Variants in SLC15A2 observed in about 807,000 individuals in gnomAD.
SLC15A2 encodes kidney H(+)/peptide cotransporter.
A neutral mutation model predicts 95.5 loss-of-function variants in SLC15A2; 77 were observed. The observed-to-expected ratio is 0.81, with a 90% confidence interval of 0.67 to 0.97. The LOEUF is 0.97. SLC15A2 is among the 50% of genes least tolerant of loss of function. The probability of loss-of-function intolerance (pLI) is 0.00; values close to 1 mark genes in which losing one functional copy is unlikely to be tolerated. For missense variants in SLC15A2, 893 were observed against 874.4 expected (o/e 1.02, Z -0.27); for synonymous variants, 306 against 306.9 (o/e 1.00, Z 0.03).
intron 3 of SLC15A2, among the ~76,000 whole-genome samples, chr3:121,897,927 C>T (rs547572060): frequency 7.2e-5 from 11 of 152,094 alleles, no homozygotes; most frequent in South Asian, 4.2e-4. Flanking sequence ...TTTGGGAGGC[C>T]GAGGCGGGCA....
chr3:121,897,560 A>G (rs763290696), intron 3 of SLC15A2, 31 bp downstream of exon 3: 1 of 1,612,004 alleles, frequency 6.2e-7, no homozygotes, highest in Admixed American at 1.7e-5. Context: ...CATCCCTACA[A>G]GTTTCACAGG....
At chr3:121,915,382 G>C in intron 6 of SLC15A2, 65 bp downstream of exon 6, 1 of 1,077,856 alleles carries the variant, frequency 9.3e-7, no homozygotes, top group Non-Finnish European at 1.4e-6. Flanking sequence ...GCTGTTCAAG[G>C]CTTTCTCCTG....
At chr3:121,922,705 A>T (rs1366954471) in intron 8 of SLC15A2, 70 bp from the exon 9 acceptor site, 3 of 1,071,832 alleles carry the variant, frequency 2.8e-6, no homozygotes, top group Non-Finnish European at 4.2e-6. Flanking sequence ...GAAGGAAGGT[A>T]TAATAAGTTG....
rs139931241 is a variant in SLC15A2 at position 121,929,115 on chromosome 3, G to A, written c.1475G>A (p.Arg492His). Reference protein sequence around the residue: ...QEKNWYSLVIREDGNSISSMM... With the variant: ...QEKNWYSLVIHEDGNSISSMM... ...AAGAACTGGTACAGTCTTGTCATTCGTGAAGATGGGAACAGTATCTCCAGC... is the reference window on the plus strand; with the variant it reads ...AAGAACTGGTACAGTCTTGTCATTCATGAAGATGGGAACAGTATCTCCAGC... Residue 492 changes from arginine (R) to histidine (H), a missense_variant, in exon 16 of 22, where the codon CGT becomes CAT. By Grantham distance (29) the Arg-to-His change is conservative. Transcript: ENST00000489711. 1.5e-4 allele frequency: 243 copies of A among 1,613,740 alleles called. No individual in the cohort carries two copies. Among genetic ancestry groups the A allele is most frequent in the South Asian group, 4.5e-4 (41 of 90,990 alleles).
At chr3:121,900,151 T>C (rs979008172) in intron 3 of SLC15A2, among the ~76,000 whole-genome samples, 26 of 152,232 alleles carry the variant, frequency 1.7e-4, no homozygotes, top group Non-Finnish European at 3.5e-4. Context: ...ATTAGCTATA[T>C]GCAGATGGCT....
At chr3:121,930,803 T>C (rs1349705146) in intron 17 of SLC15A2, 37 bp from the exon 18 acceptor site, 2 of 1,357,742 alleles carry the variant, frequency 1.5e-6, no homozygotes, top group Non-Finnish European at 2.1e-6. Flanking sequence ...CAGGTGTTCC[T>C]GTTTGTTTGA....
At chr3:121,901,177 C>G (rs1709512976) in intron 3 of SLC15A2, among the ~76,000 whole-genome samples, 1 of 151,988 alleles carries the variant, frequency 6.6e-6, no homozygotes, top group African/African-American at 2.4e-5. Flanking sequence ...TACCACCATG[C>G]CCGGCTAATT....
chr3:121,911,766 A>G lies in SLC15A2; in HGVS notation c.428+100A>G, dbSNP rs115742448. On this transcript the variant is annotated intron_variant, in intron 4 of 21. Coordinates refer to ENST00000489711, the MANE Select transcript of SLC15A2 (RefSeq NM_021082.4). ...AGAGATGTCTCTTTATTTTCAATCTACAGTTTACTACAAAACTGGTTAAGA... is the reference window on the plus strand; with the variant it reads ...AGAGATGTCTCTTTATTTTCAATCTGCAGTTTACTACAAAACTGGTTAAGA... 712 of 779,474 alleles carry G rather than the reference A, an allele frequency of 9.1e-4. 10 individuals are homozygous for G. Among genetic ancestry groups the G allele is most frequent in the African/African-American group, 8.5e-3 (495 of 58,448 alleles). 48.3% of individuals were successfully genotyped at this position (779,474 alleles called of 1,614,324 possible).
intron 19 of SLC15A2, among the ~76,000 whole-genome samples, chr3:121,934,746 AC>A (rs1287660640): frequency 3.3e-5 from 5 of 152,148 alleles, no homozygotes; most frequent in Non-Finnish European, 5.9e-5. Context: ...CTAATTGAAT[AC>A]CCTTTATTTC....
chr3:121,906,337 T>G (rs912498403), intron 3 of SLC15A2, among the ~76,000 whole-genome samples: 2 of 152,244 alleles, frequency 1.3e-5, no homozygotes, highest in Non-Finnish European at 2.9e-5. Context: ...GTCTTTTAAT[T>G]GGGGCATTCA....
chr3:121,903,101 C>A (rs997409412), intron 3 of SLC15A2, among the ~76,000 whole-genome samples: 1 of 152,166 alleles, frequency 6.6e-6, no homozygotes, highest in Non-Finnish European at 1.5e-5. Context: ...TCTTTGATGG[C>A]CAGTGATGAT....
intron 5 of SLC15A2, 66 bp from the exon 6 acceptor site, chr3:121,915,161 C>A (rs1709860788): frequency 1.8e-5 from 24 of 1,304,992 alleles, no homozygotes; most frequent in Admixed American, 3.5e-5. Context: ...AGCTCTGAAT[C>A]TGAACGTGGA....
At chr3:121,940,802 ATTC>A (rs752207617) in intron 21 of SLC15A2, 26 bp from the exon 22 acceptor site, 1 of 1,591,386 alleles carries the variant, frequency 6.3e-7, no homozygotes, top group Non-Finnish European at 8.6e-7. Flanking sequence ...GTTTCTCCAT[ATTC>A]TTCTCATATT....
rs1417796459 is a variant in SLC15A2, at chr3:121,930,944, G to A, written c.1658G>A (p.Arg553Lys). 1.2e-6 allele frequency: 2 copies of A among 1,600,582 alleles called. No homozygotes were observed. The highest frequency in any genetic ancestry group is 1.7e-5 in the Admixed American group (1 of 59,938). Residue 553 changes from arginine (R) to lysine (K), a missense_variant, in exon 18 of 22, where the codon AGA (arginine) becomes AAA (lysine). Coordinates refer to ENST00000489711, the MANE Select transcript of SLC15A2 (RefSeq NM_021082.4). ...GTGTCTGCTTATAGAACTGTGCAAA[G>A]AGGAGAGTAAGTGCATTGCCCCTGT... The part of the protein sequence containing the change: ...YGVSAYRTVQ[R>K]GEYPAVHCRT...
In SLC15A2 at chr3:121,943,135, A is replaced by C. The variant is rs1710490452; in HGVS notation, c.*2128A>C. 6.6e-6 allele frequency: 1 copy of C among 152,180 alleles called. No homozygotes were observed. Among genetic ancestry groups the C allele is most frequent in the Admixed American group, 6.5e-5 (1 of 15,268 alleles). 9.4% of individuals were successfully genotyped at this position (152,180 alleles called of 1,614,324 possible). A position where few individuals can be genotyped will look rare whatever the true frequency, so the allele number is the denominator to read the frequency against. The stretch of plus-strand genomic sequence containing the variant: ...ACAAAAATTAGCCAGGTGTGATGGC[A>C]GGTGCCTGTAATCCCAGCTACTCGG... On this transcript the variant is annotated 3_prime_UTR_variant, in exon 22 of 22. Coordinates refer to ENST00000489711, the MANE Select transcript of SLC15A2 (RefSeq NM_021082.4).
chr3:121,935,158 C>T (rs1710313267), intron 19 of SLC15A2, among the ~76,000 whole-genome samples: 1 of 152,110 alleles, frequency 6.6e-6, no homozygotes, highest in Non-Finnish European at 1.5e-5. Flanking sequence ...CTGCTGGATT[C>T]GTTTTGCCAG....
chr3:121,936,807 A>T (rs1294108714), intron 19 of SLC15A2, among the ~76,000 whole-genome samples: 5 of 142,186 alleles, frequency 3.5e-5, no homozygotes, highest in African/African-American at 5.3e-5. Context: ...TCCTGTCATT[A>T]TGATGTTAGC....
At chr3:121,912,809 A>C (rs1228684502) in intron 4 of SLC15A2, among the ~76,000 whole-genome samples, 1 of 152,172 alleles carries the variant, frequency 6.6e-6, no homozygotes, top group Non-Finnish European at 1.5e-5. Context: ...CACATAATGC[A>C]TACTTTCTTG....
chr3:121,941,549 T>G lies in SLC15A2; in HGVS notation c.*542T>G, dbSNP rs1710464321. On this transcript the variant is annotated 3_prime_UTR_variant, in exon 22 of 22. Transcript: ENST00000489711. Reference sequence around the variant, plus strand: ...CTCTCTAGGTTTGATATGACTTTAGTAAATTTGTCAATATAGATGGTAGGA... The same window carrying G: ...CTCTCTAGGTTTGATATGACTTTAGGAAATTTGTCAATATAGATGGTAGGA... The G allele has an allele frequency of 6.6e-6, 1 of 152,224 alleles. No homozygotes were observed. Among genetic ancestry groups the G allele is most frequent in the Non-Finnish European group, 1.5e-5 (1 of 68,052 alleles). The allele number at this position is 152,224 out of a possible 1,614,324, so 9.4% of individuals were successfully genotyped here. A position where few individuals can be genotyped will look rare whatever the true frequency, so the allele number is the denominator to read the frequency against.
Sources: allele counts gnomAD v4.1 joint callset (sites outside exome capture counted in the v4.1 genomes callset), GRCh38; gene constraint gnomAD v4.1.1; transcripts MANE v1.5; gene names NCBI Gene and HGNC (gene_info 2026-07-23, HGNC 2026-07-21).